The following SCLT1 variants were observed in gnomAD, a reference collection of about 807,000 sequenced individuals.
SCLT1 encodes the protein sodium channel and clathrin linker 1.
Under a neutral mutation model 112.8 loss-of-function variants are expected in SCLT1, and 78 were observed. That is an observed-to-expected ratio of 0.69 (90% CI 0.58 to 0.83). SCLT1 has a LOEUF of 0.83. Among genes scored for constraint, SCLT1 ranks in the 40% least tolerant of loss-of-function variants. The pLI is 0.00. For missense variants in SCLT1, 747 were observed against 770.4 expected, an observed-to-expected ratio of 0.97 and a Z score of 0.36; for synonymous variants, 257 against 254.7, an observed-to-expected ratio of 1.01 and a Z score of -0.09.
intron 11 of SCLT1, among the ~76,000 whole-genome samples, chr4:128,960,640 G>A (rs1425377824): frequency 6.6e-6 from 1 of 152,014 alleles, no homozygotes. Flanking sequence ...TCTAAATTAG[G>A]CCGGGCGCGG....
At chr4:128,982,499 C>T (rs935257772) in intron 9 of SCLT1, among the ~76,000 whole-genome samples, 2 of 151,966 alleles carry the variant, frequency 1.3e-5, no homozygotes, top group African/African-American at 2.4e-5. Flanking sequence ...TCCTTAGTGG[C>T]TAAGTTATTA....
chr4:129,025,506 T>C (rs2126131853), intron 5 of SCLT1, among the ~76,000 whole-genome samples: 1 of 152,224 alleles, frequency 6.6e-6, no homozygotes, highest in South Asian at 2.1e-4. Context: ...TGCTGAGAGA[T>C]TTTGTCACCA....
intron 2 of SCLT1, among the ~76,000 whole-genome samples, chr4:129,063,421 A>G (rs1307373608): frequency 1.3e-5 from 2 of 152,240 alleles, no homozygotes; most frequent in Non-Finnish European, 2.9e-5. Flanking sequence ...CCATTAAACT[A>G]GGCTGGGTGT....
chr4:129,055,510 C>G (rs986310343), intron 2 of SCLT1, among the ~76,000 whole-genome samples: 4 of 152,194 alleles, frequency 2.6e-5, no homozygotes, highest in Non-Finnish European at 5.9e-5. Flanking sequence ...ATTCTGGCCA[C>G]AGCCTCTTTG....
At chr4:128,949,994 C>T (rs1738578769) in intron 14 of SCLT1, among the ~76,000 whole-genome samples, 1 of 151,742 alleles carries the variant, frequency 6.6e-6, no homozygotes, top group East Asian at 1.9e-4. Flanking sequence ...CTTTTGTGAC[C>T]CAAAATTAAT....
chr4:129,073,979 C>T (rs1751241370), intron 2 of SCLT1, among the ~76,000 whole-genome samples: 3 of 152,146 alleles, frequency 2.0e-5, no homozygotes, highest in Admixed American at 6.6e-5. Flanking sequence ...TTGTCTTCAT[C>T]AAGTTAGTTT....
chr4:128,879,862 T>TAA (rs989605683), downstream of SCLT1, among the ~76,000 whole-genome samples: 1 of 152,192 alleles, frequency 6.6e-6, no homozygotes, highest in Non-Finnish European at 1.5e-5. Context: ...ATGTAAATAT[T>TAA]AAAGATTTCC....
intron 9 of SCLT1, among the ~76,000 whole-genome samples, chr4:128,991,712 T>C (rs1166983175): frequency 1.3e-5 from 2 of 151,828 alleles, no homozygotes; most frequent in Non-Finnish European, 3.0e-5. Context: ...ACAATAGGTA[T>C]ATGAAAAAAT....
chr4:128,889,630 A>G (rs1733157867), intron 19 of SCLT1, among the ~76,000 whole-genome samples: 1 of 152,250 alleles, frequency 6.6e-6, no homozygotes, highest in African/African-American at 2.4e-5. Context: ...ATGAATACAA[A>G]GCTGTCACAA....
chr4:129,089,306 G>A (rs993415558), intron 1 of SCLT1, among the ~76,000 whole-genome samples: 2 of 152,222 alleles, frequency 1.3e-5, no homozygotes, highest in Non-Finnish European at 2.9e-5. Context: ...ACCACAATGA[G>A]ATACCATCTC....
At chr4:128,927,680 C>T (rs987764259) in intron 18 of SCLT1, among the ~76,000 whole-genome samples, 2 of 151,654 alleles carry the variant, frequency 1.3e-5, no homozygotes, top group African/African-American at 4.9e-5. Context: ...TTGAAGAATG[C>T]ATGCATTAGG....
At chr4:129,082,108 T>A (rs779096225) in intron 2 of SCLT1, among the ~76,000 whole-genome samples, 198 bp downstream of exon 2, 7 of 152,148 alleles carry the variant, frequency 4.6e-5, no homozygotes, top group Non-Finnish European at 7.3e-5. Flanking sequence ...AACTCAGACA[T>A]TTTATATATC....
chr4:129,052,793 C>T (rs555786817), intron 2 of SCLT1, among the ~76,000 whole-genome samples: 1 of 152,150 alleles, frequency 6.6e-6, no homozygotes, highest in South Asian at 2.1e-4. Flanking sequence ...TTTGCTCTTG[C>T]TTCTCTAGTT....
chr4:128,964,112 C>T (rs1358412900), intron 11 of SCLT1, among the ~76,000 whole-genome samples: 4 of 152,172 alleles, frequency 2.6e-5, no homozygotes, highest in Non-Finnish European at 5.9e-5. Context: ...TAAAAAAGTA[C>T]TGCATGGACC....
intron 18 of SCLT1, among the ~76,000 whole-genome samples, chr4:128,928,212 T>C (rs1736455795): frequency 1.3e-5 from 2 of 151,886 alleles, no homozygotes; most frequent in South Asian, 4.1e-4. Flanking sequence ...AATAAACACT[T>C]CCAATACTCC....
chr4:129,028,250 G>A (rs912121416), intron 5 of SCLT1, among the ~76,000 whole-genome samples: 8 of 152,126 alleles, frequency 5.3e-5, no homozygotes, highest in African/African-American at 1.9e-4. Flanking sequence ...CAAAGCTGGA[G>A]GCATCACGCT....
At chr4:128,897,173 T>C (rs1733839890) in intron 18 of SCLT1, among the ~76,000 whole-genome samples, 2 of 152,094 alleles carry the variant, frequency 1.3e-5, no homozygotes, top group Admixed American at 1.3e-4. Context: ...ATACAGAGAA[T>C]GCCACAAAGA....
chr4:128,940,744 A>G (rs1560867652), intron 17 of SCLT1, among the ~76,000 whole-genome samples: 1 of 151,390 alleles, frequency 6.6e-6, no homozygotes, highest in East Asian at 1.9e-4. Context: ...GACTTTATAT[A>G]TTTTTTTTAA....
chr4:128,948,955 G>A (rs920444190), intron 14 of SCLT1, among the ~76,000 whole-genome samples: 1 of 152,200 alleles, frequency 6.6e-6, no homozygotes, highest in South Asian at 2.1e-4. Flanking sequence ...TAAAGGATAT[G>A]TGGGTGTATA....
Sources: allele counts gnomAD v4.1 joint callset (sites outside exome capture counted in the v4.1 genomes callset), GRCh38; gene constraint gnomAD v4.1.1; transcripts MANE v1.5; gene names NCBI Gene and HGNC (gene_info 2026-07-23, HGNC 2026-07-21).